The following CACNB2 variants were observed in gnomAD, a reference collection of about 807,000 sequenced individuals.
CACNB2 encodes the protein voltage-dependent L-type calcium channel subunit beta-2.
A neutral mutation model predicts 73.3 loss-of-function variants in CACNB2; 42 were observed. The observed-to-expected ratio is 0.57, with a 90% CI of 0.45 to 0.74. CACNB2 has a LOEUF of 0.74. Among genes scored for constraint, CACNB2 ranks in the 30% least tolerant of loss-of-function variants. The probability of loss-of-function intolerance (pLI) is 0.00; values close to 1 mark genes in which losing one functional copy is unlikely to be tolerated. For missense variants in CACNB2, 940 were observed against 853.0 expected (o/e 1.10, Z -1.27); for synonymous variants, 348 against 310.3 (o/e 1.12, Z -1.28).
intron 2 of CACNB2, among the ~76,000 whole-genome samples, chr10:18,248,432 G>T (rs887287944): frequency 7.9e-5 from 12 of 152,114 alleles, no homozygotes; most frequent in African/African-American, 1.2e-4. Context: ...TAAATCATAT[G>T]AATCTCCCCA....
At chr10:18,193,728 A>G (rs2034504848) in intron 2 of CACNB2, among the ~76,000 whole-genome samples, 1 of 152,138 alleles carries the variant, frequency 6.6e-6, no homozygotes, top group Non-Finnish European at 1.5e-5. Flanking sequence ...AAAGGAAACT[A>G]AAGCTTTCTG....
At chr10:18,539,045 T>G (rs1589775481) in intron 13 of CACNB2, 185 bp from the exon 14 acceptor site, 1 of 687,702 alleles carries the variant, frequency 1.5e-6, no homozygotes, top group East Asian at 2.7e-5. Context: ...AAAGTCCAAT[T>G]TAATATAGTA....
At chr10:18,448,604 T>A (rs919752711) in intron 3 of CACNB2, among the ~76,000 whole-genome samples, 1 of 152,110 alleles carries the variant, frequency 6.6e-6, no homozygotes, top group Non-Finnish European at 1.5e-5. Context: ...AGAGTCTCTG[T>A]TCATCAGAAA....
At chr10:18,315,529 C>CATT (rs869158666) in intron 2 of CACNB2, among the ~76,000 whole-genome samples, 18 of 65,580 alleles carry the variant, frequency 2.7e-4, no homozygotes, top group South Asian at 1.2e-3. Flanking sequence ...AAAAAAAAAA[C>CATT]TTTTTTTTTT....
chr10:18,184,683 G>A (rs887548969), intron 2 of CACNB2, among the ~76,000 whole-genome samples: 1 of 90,650 alleles, frequency 1.1e-5, no homozygotes, highest in Non-Finnish European at 2.2e-5. Context: ...TTTCAGTGTT[G>A]TGTATTTGCT....
At chr10:18,493,200 G>A (rs555418119) in intron 3 of CACNB2, among the ~76,000 whole-genome samples, 14 of 152,250 alleles carry the variant, frequency 9.2e-5, no homozygotes, top group East Asian at 1.9e-4. Context: ...ATGGAGTCTC[G>A]CTCTGTTGCC....
At chr10:18,320,949 G>T (rs1006818088) in intron 2 of CACNB2, among the ~76,000 whole-genome samples, 2 of 152,184 alleles carry the variant, frequency 1.3e-5, no homozygotes, top group African/African-American at 4.8e-5. Context: ...AACTTGATTT[G>T]CAGGTAGAAC....
chr10:18,229,572 C>G (rs2036146431), intron 2 of CACNB2, among the ~76,000 whole-genome samples: 1 of 151,976 alleles, frequency 6.6e-6, no homozygotes, highest in Admixed American at 6.5e-5. Context: ...TTATGATAAT[C>G]CTTAAAATAT....
At chr10:18,346,458 G>A (rs529080661) in intron 2 of CACNB2, among the ~76,000 whole-genome samples, 1 of 151,820 alleles carries the variant, frequency 6.6e-6, no homozygotes, top group South Asian at 2.1e-4. Flanking sequence ...CTTTCTATAT[G>A]GTTTTCTGGT....
At chr10:18,143,565 T>C (rs1394185975) in intron 1 of CACNB2, among the ~76,000 whole-genome samples, 2 of 152,228 alleles carry the variant, frequency 1.3e-5, no homozygotes, top group African/African-American at 2.4e-5. Flanking sequence ...TTGACTTGAA[T>C]TGCGTTCATC....
chr10:18,380,217 T>C (rs1180936164), intron 2 of CACNB2, among the ~76,000 whole-genome samples: 1 of 152,140 alleles, frequency 6.6e-6, no homozygotes, highest in Non-Finnish European at 1.5e-5. Context: ...TCATTCCTTC[T>C]TAAAATATTT....
chr10:18,200,101 A>C (rs1238509570), intron 2 of CACNB2, among the ~76,000 whole-genome samples: 1 of 152,122 alleles, frequency 6.6e-6, no homozygotes, highest in Admixed American at 6.6e-5. Flanking sequence ...ATCCTTGAAC[A>C]GTGGACATTT....
At chr10:18,166,998 C>T (rs961827408) in intron 2 of CACNB2, among the ~76,000 whole-genome samples, 1 of 152,220 alleles carries the variant, frequency 6.6e-6, no homozygotes, top group Non-Finnish European at 1.5e-5. Flanking sequence ...CTCTCCCGCT[C>T]ATTGAGAATA....
At chr10:18,472,941 A>G (rs1261078280) in intron 3 of CACNB2, among the ~76,000 whole-genome samples, 1 of 152,238 alleles carries the variant, frequency 6.6e-6, no homozygotes, top group African/African-American at 2.4e-5. Flanking sequence ...AGCTGCTGAA[A>G]ATGATGCAAA....
At chr10:18,456,289 C>A (rs980949171) in intron 3 of CACNB2, among the ~76,000 whole-genome samples, 4 of 151,724 alleles carry the variant, frequency 2.6e-5, no homozygotes, top group African/African-American at 9.7e-5. Flanking sequence ...TGACCAAAAC[C>A]CCGCCTCTAC....
chr10:18,527,566 C>T, intron 9 of CACNB2, 22 bp from the exon 10 acceptor site: 1 of 1,533,392 alleles, frequency 6.5e-7, no homozygotes. Context: ...TTAAGGTCTT[C>T]TGTGACTTTT....
At chr10:18,351,905 A>G (rs1030663898) in intron 2 of CACNB2, among the ~76,000 whole-genome samples, 1 of 152,236 alleles carries the variant, frequency 6.6e-6, no homozygotes, top group South Asian at 2.1e-4. Context: ...AACCAAAGGA[A>G]GAGAGTGATG....
rs1440286848 is a variant in CACNB2, at chr10:18,387,018, CA to C, written c.214-14905del. On this transcript the variant is annotated intron_variant, in intron 2 of 13. Transcript: ENST00000324631. ...ATAATTAAACGCTCCAGCGTATAAT[CA>C]CGGTGTATAATACTTCTGGTATAAA... Among the ~76,000 whole-genome samples the C allele has an allele frequency of 2.0e-5, 3 of 152,296 alleles. No homozygotes were observed. The East Asian group carries it at 5.8e-4, about 29-fold the overall frequency.
intron 9 of CACNB2, among the ~76,000 whole-genome samples, chr10:18,521,162 G>A (rs1268542732): frequency 6.6e-6 from 1 of 152,228 alleles, no homozygotes; most frequent in Non-Finnish European, 1.5e-5. Flanking sequence ...ACCATAAATT[G>A]AAACCTGTAG....
Sources: allele counts gnomAD v4.1 joint callset (sites outside exome capture counted in the v4.1 genomes callset), GRCh38; gene constraint gnomAD v4.1.1; transcripts MANE v1.5; gene names NCBI Gene and HGNC (gene_info 2026-07-23, HGNC 2026-07-21).